MTUS2: variants seen among roughly 807,000 people sequenced by gnomAD.
MTUS2 encodes the protein microtubule-associated tumor suppressor candidate 2.
MTUS2 carries 40 observed loss-of-function variants against 114.1 expected under a neutral mutation model. That is an observed-to-expected ratio of 0.35 (90% CI 0.27 to 0.46). The LOEUF (loss-of-function observed/expected upper bound fraction) is 0.46, where lower values mean the gene tolerates loss of function less well. Among genes scored for constraint, MTUS2 ranks in the 20% least tolerant of loss-of-function variants. MTUS2 has a pLI of 1.00. For synonymous variants in MTUS2, 688 were observed against 672.0 expected (o/e 1.02, Z -0.37); for missense variants, 1,679 against 1,705.4 (o/e 0.98, Z 0.27).
At chr13:28,959,325 C>T (rs1195195538) in intron 2 of MTUS2, among the ~76,000 whole-genome samples, 1 of 152,150 alleles carries the variant, frequency 6.6e-6, no homozygotes, top group African/African-American at 2.4e-5. Context: ...ATTGTAATGA[C>T]CCACTGCAGT....
At chr13:28,921,041 A>G (rs532231432) in intron 2 of MTUS2, among the ~76,000 whole-genome samples, 4 of 152,136 alleles carry the variant, frequency 2.6e-5, no homozygotes, top group Non-Finnish European at 5.9e-5. Flanking sequence ...TTCATTCCCT[A>G]CTCCACTGCA....
intron 2 of MTUS2, among the ~76,000 whole-genome samples, chr13:28,859,302 T>A (rs774556282): frequency 1.3e-5 from 2 of 152,176 alleles, no homozygotes; most frequent in Non-Finnish European, 2.9e-5. Flanking sequence ...CCTGGTTGGA[T>A]GTCTGAGGAC....
rs113470460 is a variant in MTUS2, at chr13:29,463,136, A to T, written c.3185-17014A>T. On this transcript the variant is annotated intron_variant, in intron 9 of 15. Transcript: ENST00000612955. ...AGATTCTGCACTGTTGGTGCATCTG[A>T]TGGAGGAAGGGGCCATGAGCCAAGG... Among the ~76,000 whole-genome samples the T allele has an allele frequency of 5.6e-3, 847 of 152,204 alleles. 8 individuals carry two copies. Among genetic ancestry groups the T allele is most frequent in the African/African-American group, 0.02 (813 of 41,540 alleles).
chr13:28,823,252 C>T (rs533544155), intron 1 of MTUS2, among the ~76,000 whole-genome samples: 90 of 152,302 alleles, frequency 5.9e-4, no homozygotes, highest in East Asian at 2.3e-3. Context: ...ACTCATTCCT[C>T]GAAAATATCC....
chr13:28,910,848 T>C (rs1266848019), intron 2 of MTUS2, among the ~76,000 whole-genome samples: 1 of 132,646 alleles, frequency 7.5e-6, no homozygotes, highest in Non-Finnish European at 1.6e-5. Flanking sequence ...AACACACATA[T>C]ACATGGCTTT....
At chr13:28,923,849 G>A (rs1881180895) in intron 2 of MTUS2, among the ~76,000 whole-genome samples, 1 of 152,146 alleles carries the variant, frequency 6.6e-6, no homozygotes, top group Admixed American at 6.5e-5. Context: ...CGGTGCTGCA[G>A]GTCTCCCTGG....
At chr13:29,119,077 C>T (rs749707030) in intron 5 of MTUS2, among the ~76,000 whole-genome samples, 7 of 152,122 alleles carry the variant, frequency 4.6e-5, no homozygotes, top group Admixed American at 1.3e-4. Flanking sequence ...ATACAAGATA[C>T]GTTTTCTATG....
At chr13:28,981,265 A>G (rs2138295463) in intron 2 of MTUS2, among the ~76,000 whole-genome samples, 2 of 152,372 alleles carry the variant, frequency 1.3e-5, no homozygotes, top group South Asian at 4.1e-4. Context: ...AATCTCAAAC[A>G]AATTAGATAA....
At chr13:29,122,495 A>G (rs556669298) in intron 5 of MTUS2, among the ~76,000 whole-genome samples, 14 of 152,320 alleles carry the variant, frequency 9.2e-5, no homozygotes, top group South Asian at 2.1e-4. Context: ...CTCACTCACT[A>G]TCATGAGAAC....
intron 2 of MTUS2, among the ~76,000 whole-genome samples, chr13:28,926,253 A>C (rs2138071211): frequency 6.6e-6 from 1 of 152,360 alleles, no homozygotes; most frequent in Non-Finnish European, 1.5e-5. Context: ...TTTGTTATTA[A>C]GAGAAGATGA....
At chr13:29,306,726 C>G (rs1049006750) in intron 6 of MTUS2, 1 of 286,724 alleles carries the variant, frequency 3.5e-6, no homozygotes, top group Admixed American at 4.4e-5. Flanking sequence ...TTCTCCTGTT[C>G]GACAGACAGC....
intron 5 of MTUS2, among the ~76,000 whole-genome samples, chr13:29,278,404 C>T (rs1476437003): frequency 1.3e-5 from 2 of 151,940 alleles, no homozygotes; most frequent in Non-Finnish European, 2.9e-5. Context: ...ATACAGAATC[C>T]AATAAAGAAT....
intron 2 of MTUS2, among the ~76,000 whole-genome samples, chr13:28,999,429 A>T (rs78400148): frequency 0.013 from 1,979 of 152,288 alleles, 42 homozygotes; most frequent in African/African-American, 0.045. Flanking sequence ...TCAGACAGGG[A>T]CATAGTTTGT....
At chr13:29,103,841 T>C (rs1890537641) in intron 5 of MTUS2, among the ~76,000 whole-genome samples, 1 of 152,240 alleles carries the variant, frequency 6.6e-6, no homozygotes, top group African/African-American at 2.4e-5. Flanking sequence ...TTTAGATGTT[T>C]GTGCATATTA....
intron 5 of MTUS2, among the ~76,000 whole-genome samples, chr13:29,104,791 C>G (rs917089280): frequency 6.6e-6 from 1 of 152,106 alleles, no homozygotes; most frequent in African/African-American, 2.4e-5. Context: ...AAAGAGGGAA[C>G]GTAATTTTCT....
intron 2 of MTUS2, among the ~76,000 whole-genome samples, chr13:28,937,736 G>A (rs1276663771): frequency 6.6e-6 from 1 of 152,142 alleles, no homozygotes; most frequent in African/African-American, 2.4e-5. Flanking sequence ...ATAGCCTAGA[G>A]TGTCCCTGAG....
chr13:29,436,139 G>A (rs542283443), intron 8 of MTUS2, among the ~76,000 whole-genome samples: 2 of 152,326 alleles, frequency 1.3e-5, no homozygotes, highest in Admixed American at 6.5e-5. Context: ...CTCTCTCCCA[G>A]TCAGACATGA....
intron 2 of MTUS2, among the ~76,000 whole-genome samples, chr13:28,893,459 G>A (rs193174228): frequency 2.1e-3 from 321 of 152,246 alleles, no homozygotes; most frequent in Non-Finnish European, 3.5e-3. Flanking sequence ...CCTGAGTGCC[G>A]AAGGTAAAGC....
intron 5 of MTUS2, among the ~76,000 whole-genome samples, chr13:29,253,907 G>A (rs1352807062): frequency 1.3e-5 from 2 of 152,106 alleles, no homozygotes; most frequent in Non-Finnish European, 2.9e-5. Flanking sequence ...TCACTATCAC[G>A]AGAACAGCAC....
Sources: allele counts gnomAD v4.1 joint callset (sites outside exome capture counted in the v4.1 genomes callset), GRCh38; gene constraint gnomAD v4.1.1; transcripts MANE v1.5; gene names NCBI Gene and HGNC (gene_info 2026-07-23, HGNC 2026-07-21).